The following MLIP variants were observed in gnomAD, a reference collection of about 807,000 sequenced individuals.
MLIP encodes muscular LMNA interacting protein, also known as muscular LMNA-interacting protein.
MLIP carries 79 observed loss-of-function variants against 84.8 expected under a neutral mutation model. That is an observed-to-expected ratio of 0.93 (90% CI 0.78 to 1.12). MLIP has a LOEUF of 1.12. Among genes scored for constraint, MLIP ranks in the 50% most tolerant of loss-of-function variants. The pLI is 0.00. For synonymous variants in MLIP, 504 were observed against 463.0 expected (o/e 1.09, Z -1.14); for missense variants, 1,257 against 1,160.6 (o/e 1.08, Z -1.21).
chr6:54,107,229 C>T (rs559449691), upstream of MLIP, among the ~76,000 whole-genome samples: 1 of 152,228 alleles, frequency 6.6e-6, no homozygotes, highest in South Asian at 2.1e-4. Flanking sequence ...ACTAGGAGGA[C>T]ATACTCCAAG....
At chr6:54,144,056 A>G (rs1014417389) in intron 4 of MLIP, among the ~76,000 whole-genome samples, 2 of 152,242 alleles carry the variant, frequency 1.3e-5, no homozygotes, top group Admixed American at 6.5e-5. Flanking sequence ...CTGCTTTGCC[A>G]GGCAGTTTTT....
chr6:54,230,034 C>T (rs2150800733), intron 11 of MLIP, among the ~76,000 whole-genome samples: 1 of 152,246 alleles, frequency 6.6e-6, no homozygotes, highest in African/African-American at 2.4e-5. Flanking sequence ...ATCGTTTTTC[C>T]ATGTTGAAGA....
rs549933433 is a variant in MLIP, at chr6:54,129,517, AATG to A, written c.645+4655_645+4657del. 2.1e-3 allele frequency among the ~76,000 whole-genome samples: 314 copies of A among 152,326 alleles called. 1 individual carries two copies. The highest frequency in any genetic ancestry group is 7.2e-3 in the African/African-American group (298 of 41,568). ...TAGTGAGCATTCAAAGCTGAAAGAA[AATG>A]ATAATAGAGTATGGAAGAGCACCTA... On this transcript the variant is annotated intron_variant, in intron 3 of 13. Coordinates refer to ENST00000502396, the MANE Select transcript of MLIP (RefSeq NM_001281747.2).
At chr6:54,255,037 T>C (rs146963904) in intron 12 of MLIP, among the ~76,000 whole-genome samples, 178 of 152,208 alleles carry the variant, frequency 1.2e-3, no homozygotes, top group African/African-American at 4.1e-3. Context: ...CTTTCATAGT[T>C]ATACCAGCCA....
upstream of MLIP, among the ~76,000 whole-genome samples, chr6:54,108,097 G>A (rs966721767): frequency 2.6e-5 from 4 of 152,202 alleles, no homozygotes; most frequent in East Asian, 5.8e-4. Flanking sequence ...TAAGGGTGAC[G>A]GATGCCTGCT....
intron 11 of MLIP, chr6:54,215,326 A>G: frequency 7.3e-7 from 1 of 1,375,982 alleles, no homozygotes; most frequent in Non-Finnish European, 9.3e-7. Flanking sequence ...GATTTTTGAA[A>G]AAATCAGTCC....
chr6:54,131,792 T>C (rs1228316581), intron 3 of MLIP, among the ~76,000 whole-genome samples: 1 of 152,236 alleles, frequency 6.6e-6, no homozygotes, highest in Non-Finnish European at 1.5e-5. Context: ...CATTTAGTGT[T>C]TTAAAACACA....
chr6:54,244,609 G>A (rs1781954544), intron 12 of MLIP, among the ~76,000 whole-genome samples: 1 of 152,128 alleles, frequency 6.6e-6, no homozygotes, highest in Non-Finnish European at 1.5e-5. Flanking sequence ...CCACTAGAGG[G>A]CAAAAAGAGC....
chr6:54,231,351 G>C (rs1780985660), intron 12 of MLIP, among the ~76,000 whole-genome samples: 1 of 152,010 alleles, frequency 6.6e-6, no homozygotes, highest in Non-Finnish European at 1.5e-5. Context: ...AATTACTGTG[G>C]GTATCTGCAA....
At chr6:54,169,412 A>G (rs1468102361) in intron 8 of MLIP, 116 bp from the exon 9 acceptor site, 2 of 551,300 alleles carry the variant, frequency 3.6e-6, no homozygotes, top group African/African-American at 3.9e-5. Flanking sequence ...TATTGTATAG[A>G]GAGAGCAATG....
chr6:54,142,489 G>A (rs529301421), intron 4 of MLIP, among the ~76,000 whole-genome samples: 1 of 152,176 alleles, frequency 6.6e-6, no homozygotes, highest in Non-Finnish European at 1.5e-5. Context: ...TGAGGAAGAT[G>A]CTCTGAGGCC....
chr6:54,231,943 T>C (rs1340591957), intron 12 of MLIP, among the ~76,000 whole-genome samples: 1 of 152,144 alleles, frequency 6.6e-6, no homozygotes, highest in African/African-American at 2.4e-5. Context: ...ATTAGATTTT[T>C]ATATTTAATA....
chr6:54,062,753 G>A (rs1189568106), intron 1 of MLIP, among the ~76,000 whole-genome samples: 2 of 152,068 alleles, frequency 1.3e-5, no homozygotes, highest in Non-Finnish European at 1.5e-5. Context: ...AATTATCCAC[G>A]ATTATTGGAA....
intron 1 of MLIP, among the ~76,000 whole-genome samples, chr6:54,049,691 A>G (rs1047751874): frequency 6.6e-6 from 1 of 152,110 alleles, no homozygotes; most frequent in Non-Finnish European, 1.5e-5. Flanking sequence ...CCAATCTCCA[A>G]TTCTAAGTCT....
chr6:54,252,288 ATT>A (rs1390311350), intron 12 of MLIP, among the ~76,000 whole-genome samples: 2 of 116,656 alleles, frequency 1.7e-5, no homozygotes, highest in African/African-American at 7.1e-5. Flanking sequence ...ACTATAATAT[ATT>A]ATACCATATA....
chr6:54,149,265 G>A lies in MLIP; in HGVS notation c.2289+138G>A, dbSNP rs918351268. ...TAACATTCCATTCTTAGTTTAGGAT[G>A]ATGTGGTGAAAACATTTTGGTGAAT... On this transcript the variant is annotated intron_variant, in intron 5 of 13. Transcript: ENST00000502396. The A allele has an allele frequency of 4.3e-5, 33 of 766,098 alleles. No individual in the cohort carries two copies. The African/African-American group carries it at 5.3e-4, about 12-fold the overall frequency. The allele number at this position is 766,098 out of a possible 1,614,324, so 47.5% of individuals were successfully genotyped here.
intron 1 of MLIP, among the ~76,000 whole-genome samples, chr6:54,055,019 C>G (rs1448989573): frequency 4.6e-5 from 7 of 152,086 alleles, no homozygotes; most frequent in African/African-American, 7.2e-5. Context: ...TCCCGAGTAG[C>G]TGGGACTACA....
chr6:54,145,107 A>C (rs1002912872), intron 4 of MLIP, among the ~76,000 whole-genome samples: 1 of 152,204 alleles, frequency 6.6e-6, no homozygotes, highest in African/African-American at 2.4e-5. Context: ...ATTGGAGAGA[A>C]CCAATAGGTA....
chr6:54,147,216 G>C (rs1156745997), intron 4 of MLIP, among the ~76,000 whole-genome samples: 1 of 152,156 alleles, frequency 6.6e-6, no homozygotes, highest in East Asian at 1.9e-4. Context: ...GAGAAAGCAC[G>C]TATATTGGAC....
Sources: allele counts gnomAD v4.1 joint callset (sites outside exome capture counted in the v4.1 genomes callset), GRCh38; gene constraint gnomAD v4.1.1; transcripts MANE v1.5; gene names NCBI Gene and HGNC (gene_info 2026-07-23, HGNC 2026-07-21).